TMTC2: variants seen among roughly 807,000 people sequenced by gnomAD.
The protein encoded by TMTC2 is transmembrane O-mannosyltransferase targeting cadherins 2.
In TMTC2, 43 loss-of-function variants were observed where a neutral mutation model predicts 82.4. That is an observed-to-expected ratio of 0.52 (90% confidence interval 0.41 to 0.67). The LOEUF (loss-of-function observed/expected upper bound fraction) is 0.67. Ranked by LOEUF, TMTC2 falls within the 30% of genes least tolerant of loss-of-function variation. TMTC2 has a pLI of 0.00. For synonymous variants in TMTC2, 408 were observed against 381.9 expected (o/e 1.07, Z -0.80); for missense variants, 919 against 1,012.4 (o/e 0.91, Z 1.25).
intron 1 of TMTC2, among the ~76,000 whole-genome samples, chr12:82,716,088 T>G (rs1485294511): frequency 2.0e-5 from 3 of 152,236 alleles, no homozygotes; most frequent in East Asian, 3.9e-4. Context: ...TCTAAATTGT[T>G]TCTTCTTTTT....
intron 8 of TMTC2, among the ~76,000 whole-genome samples, chr12:83,007,252 C>G (rs981603337): frequency 6.6e-6 from 1 of 151,510 alleles, no homozygotes; most frequent in African/African-American, 2.4e-5. Context: ...GTTTCTTCTT[C>G]TTTATCTAGT....
rs879889719 is a variant in TMTC2 at position 82,802,296 on chromosome 12, C to T, written c.84-54714C>T. ...GCAGGCCGCTGAGCCCACGCCCACCCGTGCGCAGCCCTTGTTCCTGCCAGT... is the reference window on the plus strand; with the variant it reads ...GCAGGCCGCTGAGCCCACGCCCACCTGTGCGCAGCCCTTGTTCCTGCCAGT... On this transcript the variant is annotated intron_variant, in intron 1 of 11. Coordinates refer to ENST00000321196, the MANE Select transcript of TMTC2 (RefSeq NM_152588.3). Among the ~76,000 whole-genome samples, 79 of 152,230 alleles carry T rather than the reference C, an allele frequency of 5.2e-4. 2 individuals carry two copies. The highest frequency in any genetic ancestry group is 6.5e-4 in the Non-Finnish European group (44 of 68,038).
At chr12:83,076,261 G>C (rs1483676141) in intron 11 of TMTC2, among the ~76,000 whole-genome samples, 2 of 152,294 alleles carry the variant, frequency 1.3e-5, no homozygotes, top group East Asian at 3.9e-4. Flanking sequence ...AAGATCAAGG[G>C]AGTTGAGGCA....
At chr12:83,002,171 TC>T (rs1879957998) in intron 8 of TMTC2, among the ~76,000 whole-genome samples, 1 of 152,290 alleles carries the variant, frequency 6.6e-6, no homozygotes, top group Non-Finnish European at 1.5e-5. Context: ...ATTGATCTCT[TC>T]AGAGTTTCAA....
At chr12:82,984,185 T>G (rs189648031) in intron 7 of TMTC2, among the ~76,000 whole-genome samples, 278 of 152,228 alleles carry the variant, frequency 1.8e-3, no homozygotes, top group African/African-American at 6.0e-3. Flanking sequence ...TTTCACCAAC[T>G]TCTTAAGTGC....
chr12:82,907,228 C>T (rs1470092311), intron 3 of TMTC2, among the ~76,000 whole-genome samples: 2 of 151,912 alleles, frequency 1.3e-5, no homozygotes, highest in Admixed American at 6.6e-5. Flanking sequence ...CTTTGGGAGG[C>T]CAAGTCGGGT....
At chr12:82,977,564 C>T (rs944381507) in intron 7 of TMTC2, among the ~76,000 whole-genome samples, 9 of 151,750 alleles carry the variant, frequency 5.9e-5, no homozygotes, top group African/African-American at 2.2e-4. Context: ...AGATACTTGT[C>T]TCATACCACA....
intron 1 of TMTC2, among the ~76,000 whole-genome samples, chr12:82,772,443 A>AT (rs1320285524): frequency 2.6e-5 from 4 of 151,952 alleles, no homozygotes; most frequent in African/African-American, 4.8e-5. Context: ...ATTAATTAAA[A>AT]TTTTTTTTTA....
chr12:83,046,496 G>A (rs914429514), intron 9 of TMTC2, among the ~76,000 whole-genome samples: 1 of 152,042 alleles, frequency 6.6e-6, no homozygotes, highest in Non-Finnish European at 1.5e-5. Context: ...TAATGAAAAA[G>A]GTAACTTTGC....
Position 83,132,550 on chromosome 12 carries a change from A to G in TMTC2, c.*161A>G. On this transcript the variant is annotated 3_prime_UTR_variant, in exon 12 of 12. Coordinates refer to ENST00000321196, the MANE Select transcript of TMTC2 (RefSeq NM_152588.3). ...CTTCTGGAAGAATCCACTTTGCTGT[A>G]GGCACAGCTGTTAACACCAAAAAGG... is the stretch of plus-strand genomic sequence containing the variant. The G allele has an allele frequency of 1.3e-6, 1 of 773,016 alleles. No homozygotes were observed. The highest frequency in any genetic ancestry group is 2.0e-6 in the Non-Finnish European group (1 of 505,460). The allele number at this position is 773,016 out of a possible 1,614,324, so 47.9% of individuals were successfully genotyped here.
chr12:82,748,955 C>T (rs1056232350), intron 1 of TMTC2, among the ~76,000 whole-genome samples: 2 of 152,216 alleles, frequency 1.3e-5, no homozygotes, highest in African/African-American at 4.8e-5. Context: ...TGTGGGTAAG[C>T]TTCTTATATA....
intron 1 of TMTC2, among the ~76,000 whole-genome samples, chr12:82,798,535 G>A (rs1341882465): frequency 2.0e-5 from 3 of 149,706 alleles, no homozygotes; most frequent in Admixed American, 6.6e-5. Context: ...GCCGGTTGCC[G>A]TGGCTCAAGC....
intron 8 of TMTC2, among the ~76,000 whole-genome samples, chr12:82,993,176 G>T (rs1373532447): frequency 1.3e-5 from 2 of 151,910 alleles, no homozygotes; most frequent in African/African-American, 4.8e-5. Context: ...ATAGGGATGG[G>T]GTTTCACCAT....
At chr12:83,115,647 ATT>A (rs11316057) in intron 11 of TMTC2, among the ~76,000 whole-genome samples, 71,396 of 150,376 alleles carry the variant, frequency 0.47, 17,192 homozygotes, top group East Asian at 0.72. Context: ...TTTTTTTATT[ATT>A]TTTTTTTTTA....
At chr12:82,780,314 G>C (rs1877831130) in intron 1 of TMTC2, among the ~76,000 whole-genome samples, 1 of 152,036 alleles carries the variant, frequency 6.6e-6, no homozygotes, top group Non-Finnish European at 1.5e-5. Context: ...GCTTTCTCCA[G>C]CTTCAAATAG....
At chr12:83,008,514 T>G (rs1179254026) in intron 8 of TMTC2, among the ~76,000 whole-genome samples, 1 of 152,244 alleles carries the variant, frequency 6.6e-6, no homozygotes, top group African/African-American at 2.4e-5. Flanking sequence ...TCTAAGAACA[T>G]GCATCTGTTC....
chr12:83,076,467 A>G (rs566160455), intron 11 of TMTC2, among the ~76,000 whole-genome samples: 5 of 152,314 alleles, frequency 3.3e-5, no homozygotes, highest in Non-Finnish European at 5.9e-5. Flanking sequence ...GGGACCACAC[A>G]CTAAAATTAC....
chr12:82,718,590 A>G (rs749922537), intron 1 of TMTC2, among the ~76,000 whole-genome samples: 1 of 152,228 alleles, frequency 6.6e-6, no homozygotes, highest in African/African-American at 2.4e-5. Flanking sequence ...TTGGCTCACC[A>G]TCTGAATACT....
chr12:83,035,666 C>G (rs12822248), intron 9 of TMTC2, among the ~76,000 whole-genome samples: 61,407 of 151,832 alleles, frequency 0.4, 12,447 homozygotes, highest in South Asian at 0.47. Context: ...TTATTGAATT[C>G]AGTTTATAAA....
Sources: gnomAD v4.1 joint callset for allele counts (sites outside exome capture counted in the v4.1 genomes callset) on GRCh38, gnomAD v4.1.1 for gene constraint, MANE v1.5 for transcripts, NCBI Gene and HGNC (gene_info 2026-07-23, HGNC 2026-07-21) for gene names.